The following FAP variants were observed in gnomAD, a reference collection of about 807,000 sequenced individuals.
FAP encodes the protein fibroblast activation protein alpha, also known as prolyl endopeptidase FAP.
FAP carries 110 observed loss-of-function variants against 126.5 expected under a neutral mutation model. That is an observed-to-expected ratio of 0.87 (90% CI 0.74 to 1.02). FAP has a LOEUF of 1.02. FAP is among the 50% of genes least tolerant of loss of function. The pLI, the probability that FAP is intolerant of heterozygous loss-of-function variation, is 0.00. For synonymous variants in FAP, 334 were observed against 297.3 expected (o/e 1.12, Z -1.27); for missense variants, 919 against 909.2 (o/e 1.01, Z -0.14).
intron 21 of FAP, among the ~76,000 whole-genome samples, chr2:162,177,199 C>T (rs147993459): frequency 6.6e-6 from 1 of 152,094 alleles, no homozygotes; most frequent in African/African-American, 2.4e-5. Flanking sequence ...AGACGCCTTG[C>T]CATTTTGTTT....
intron 20 of FAP, 113 bp downstream of exon 20, chr2:162,188,056 C>T: frequency 5.7e-6 from 5 of 872,520 alleles, no homozygotes; most frequent in Non-Finnish European, 7.1e-6. Context: ...AGTTTTAGAC[C>T]AAGTTAGAAA....
intron 19 of FAP, 84 bp downstream of exon 19, chr2:162,189,019 A>G (rs942420969): frequency 1.2e-6 from 1 of 810,432 alleles, no homozygotes; most frequent in Admixed American, 2.2e-5. Context: ...ACCAAGGAGA[A>G]TGGTTCATTC....
rs1689503676 is a variant in FAP, at chr2:162,223,601, G to A, written c.413+7C>T. ...TTAAGTAGTATTAATAAACAGAGGT[G>A]ATTTACCCATTGCTAAGGTCATAGA... On this transcript the variant is annotated splice_region_variant and intron_variant, in intron 6 of 25. Coordinates refer to ENST00000188790, the MANE Select transcript of FAP (RefSeq NM_004460.5). 1 of 1,544,902 alleles carries A rather than the reference G, an allele frequency of 6.5e-7. No individual in the cohort carries two copies. The highest frequency in any genetic ancestry group is 1.7e-5 in the Admixed American group (1 of 59,822).
chr2:162,190,390 G>T (rs1687995290), intron 17 of FAP, among the ~76,000 whole-genome samples: 1 of 151,446 alleles, frequency 6.6e-6, no homozygotes, highest in South Asian at 2.1e-4. Flanking sequence ...AATATATATT[G>T]TGTATACACA....
At chr2:162,214,871 G>A (rs1300378026) in intron 10 of FAP, among the ~76,000 whole-genome samples, 1 of 151,886 alleles carries the variant, frequency 6.6e-6, no homozygotes, top group East Asian at 1.9e-4. Context: ...AAGATTGGCC[G>A]CGTGCTTAAA....
chr2:162,181,489 T>C (rs910917424), intron 21 of FAP, among the ~76,000 whole-genome samples: 1 of 152,174 alleles, frequency 6.6e-6, no homozygotes, highest in African/African-American at 2.4e-5. Context: ...AGTCTCCCTG[T>C]GTGCACCATG....
At chr2:162,236,246 T>TA (rs1294143327) in intron 2 of FAP, among the ~76,000 whole-genome samples, 1 of 152,198 alleles carries the variant, frequency 6.6e-6, no homozygotes, top group Non-Finnish European at 1.5e-5. Context: ...TCATAAGAGA[T>TA]ACCGATTTAT....
chr2:162,188,413 C>G (rs1450901284), intron 19 of FAP, 50 bp from the exon 20 acceptor site: 1 of 1,511,172 alleles, frequency 6.6e-7, no homozygotes, highest in Admixed American at 1.8e-5. Context: ...TTGTAAAACT[C>G]AATTTCCCAT....
intron 2 of FAP, among the ~76,000 whole-genome samples, chr2:162,238,522 T>C (rs1023821743): frequency 6.6e-6 from 1 of 151,676 alleles, no homozygotes. Context: ...ATTAGAGAAC[T>C]ATAAACTGCA....
chr2:162,191,629 A>T (rs1688047736), intron 17 of FAP, among the ~76,000 whole-genome samples: 1 of 152,088 alleles, frequency 6.6e-6, no homozygotes, highest in Non-Finnish European at 1.5e-5. Context: ...ACAATGATGG[A>T]TCTTATACTT....
intron 11 of FAP, among the ~76,000 whole-genome samples, chr2:162,213,424 CAA>C (rs372977213): frequency 4.5e-4 from 64 of 141,542 alleles, no homozygotes; most frequent in African/African-American, 1.4e-3. Context: ...AAAAAACAAA[CAA>C]AAAAAAAAAC....
intron 6 of FAP, among the ~76,000 whole-genome samples, 192 bp downstream of exon 6, chr2:162,223,416 A>G (rs1689498717): frequency 6.6e-6 from 1 of 152,190 alleles, no homozygotes; most frequent in Non-Finnish European, 1.5e-5. Context: ...AGTCAAATAA[A>G]GAGGTGGGTA....
At chr2:162,209,855 A>C in intron 12 of FAP, 97 bp downstream of exon 12, 1 of 1,037,620 alleles carries the variant, frequency 9.6e-7, no homozygotes, top group Non-Finnish European at 1.5e-6. Flanking sequence ...CTATGAAAAT[A>C]AGTAGTGCCA....
Position 162,173,215 on chromosome 2 carries a change from T to C in FAP, c.2041A>G (p.Thr681Ala), listed in dbSNP as rs140683015. Residue 681 changes from threonine to alanine, a missense_variant, in exon 24 of 26, where the codon ACT becomes GCT. Transcript: ENST00000188790. ...AAATATTCTGCTCTTGCCATCACAG[T>C]TGAATTCTGGAAAAGAGAAAAAAAT... The part of the protein sequence containing the change: ...DDNLEHYKNS[T>A]VMARAEYFRN... 2.5e-6 allele frequency: 4 copies of C among 1,612,606 alleles called. No homozygotes were observed. The East Asian group carries it at 6.7e-5, about 27-fold the overall frequency.
At chr2:162,194,976 T>A in intron 16 of FAP, 1 of 549,920 alleles carries the variant, frequency 1.8e-6, no homozygotes, top group Non-Finnish European at 3.3e-6. Flanking sequence ...GCCTTGCCTG[T>A]GCACTTTTCC....
At chr2:162,194,639 G>T in intron 17 of FAP, 62 bp downstream of exon 17, 1 of 1,455,788 alleles carries the variant, frequency 6.9e-7, no homozygotes, top group Non-Finnish European at 9.6e-7. Flanking sequence ...TTTCTCTAGC[G>T]GAGCATCACA....
At chr2:162,222,641 A>G (rs1371755146) in intron 6 of FAP, among the ~76,000 whole-genome samples, 2 of 152,176 alleles carry the variant, frequency 1.3e-5, no homozygotes, top group African/African-American at 2.4e-5. Flanking sequence ...TAGCTAAGGC[A>G]ATTCATTGTC....
At chr2:162,196,386 T>C (rs367837088) in intron 16 of FAP, among the ~76,000 whole-genome samples, 3 of 152,102 alleles carry the variant, frequency 2.0e-5, no homozygotes, top group Non-Finnish European at 4.4e-5. Context: ...AAAGGACAAA[T>C]ACACATATTA....
At chr2:162,188,034 A>T in intron 20 of FAP, 135 bp downstream of exon 20, 1 of 680,296 alleles carries the variant, frequency 1.5e-6, no homozygotes, top group Non-Finnish European at 2.5e-6. Context: ...ATACCTCTTT[A>T]AGATTAGTGA....
Sources: gnomAD v4.1 joint callset for allele counts (sites outside exome capture counted in the v4.1 genomes callset) on GRCh38, gnomAD v4.1.1 for gene constraint, MANE v1.5 for transcripts, NCBI Gene and HGNC (gene_info 2026-07-23, HGNC 2026-07-21) for gene names.